MAP9: variants seen among roughly 807,000 people sequenced by gnomAD.
The protein encoded by MAP9 is microtubule associated protein 9.
In MAP9, 80 loss-of-function variants were observed where a neutral mutation model predicts 75.2. That is an observed-to-expected ratio of 1.06 (90% CI 0.89 to 1.28). The LOEUF is 1.28. MAP9 is among the 50% of genes most tolerant of loss of function. The pLI, the probability that MAP9 is intolerant of heterozygous loss-of-function variation, is 0.00. For missense variants in MAP9, 753 were observed against 719.9 expected, an observed-to-expected ratio of 1.05 and a Z score of -0.53; for synonymous variants, 235 against 237.3, an observed-to-expected ratio of 0.99 and a Z score of 0.09.
At position 155,360,301 on chromosome 4, in the gene MAP9, T is replaced by C. The variant is rs1732011416; in HGVS notation, c.917A>G (p.Gln306Arg). 6.2e-7 allele frequency: 1 copy of C among 1,613,182 alleles called. No individual in the cohort carries two copies. ...TTCTTCAAGGTCATCAGCAGTCACT[T>C]GACTTTCCTTGGATTTCTCAACTGC... ...TTAVEKSKES[Q>R]VTADDLEEEK... Residue 306 changes from glutamine (Q) to arginine (R), a missense_variant, in exon 7 of 14, where the codon CAA (glutamine) becomes CGA (arginine). Gln to Arg is a conservative substitution (Grantham distance 43). Transcript: ENST00000311277.
In MAP9 at chr4:155,344,918, C is replaced by A. The variant is rs1247868339; in HGVS notation, c.*2865G>T. On this transcript the variant is annotated 3_prime_UTR_variant, in exon 14 of 14. Transcript: ENST00000311277. ...TGTTTTCTTTACTTTGAGATCTCTG[C>A]ATTCTTTAAGTGATCAACGCAATTT... 6.6e-6 allele frequency: 1 copy of A among 151,842 alleles called. No homozygotes were observed. Among genetic ancestry groups the A allele is most frequent in the African/African-American group, 2.4e-5 (1 of 41,410 alleles). The allele number at this position is 151,842 out of a possible 1,614,324, so 9.4% of individuals were successfully genotyped here. A position where few individuals can be genotyped will look rare whatever the true frequency, so the allele number is the denominator to read the frequency against.
At chr4:155,353,865 T>C (rs567196697) in intron 10 of MAP9, among the ~76,000 whole-genome samples, 1 of 152,344 alleles carries the variant, frequency 6.6e-6, no homozygotes, top group South Asian at 2.1e-4. Flanking sequence ...TGAAAGTATG[T>C]GCTCGACTGA....
intron 3 of MAP9, among the ~76,000 whole-genome samples, chr4:155,374,505 C>A (rs1186911114): frequency 6.6e-6 from 1 of 151,884 alleles, no homozygotes; most frequent in Non-Finnish European, 1.5e-5. Context: ...CTTATCACAG[C>A]CAAAAAAAAT....
chr4:155,352,453 C>A (rs1435653252), intron 13 of MAP9, 143 bp downstream of exon 13: 15 of 741,498 alleles, frequency 2.0e-5, no homozygotes, highest in Non-Finnish European at 2.6e-5. Context: ...ATGCTATATG[C>A]AGGAGGAGAG....
At chr4:155,368,497 C>A in intron 5 of MAP9, 89 bp downstream of exon 5, 2 of 1,108,708 alleles carry the variant, frequency 1.8e-6, no homozygotes, top group Non-Finnish European at 2.7e-6. Context: ...CACACGCACA[C>A]AAATTCATTC....
chr4:155,361,945 C>T (rs1732100226), intron 6 of MAP9, 103 bp downstream of exon 6: 2 of 720,716 alleles, frequency 2.8e-6, no homozygotes, highest in Non-Finnish European at 4.5e-6. Flanking sequence ...CACATAAAAA[C>T]ATATATTTCT....
rs766173625 is a variant in MAP9 at position 155,373,376 on chromosome 4, C to T, written c.241G>A (p.Asp81Asn). The T allele has an allele frequency of 6.2e-7, 1 of 1,609,054 alleles. No individual in the cohort carries two copies. Among genetic ancestry groups the T allele is most frequent in the Admixed American group, 1.7e-5 (1 of 59,752 alleles). ...KKMNDFHISD[D>N]EEKNPSKLLF... ...AGTTTTGAAGGATTCTTTTCTTCAT[C>T]ATCTGATATATGAAAGTCATTCATT... Residue 81 changes from aspartate (D) to asparagine (N), a missense_variant, in exon 4 of 14, where the codon GAT becomes AAT. By Grantham distance (23) the Asp-to-Asn change is conservative. Coordinates refer to ENST00000311277, the MANE Select transcript of MAP9 (RefSeq NM_001039580.2).
At chr4:155,352,465 T>A in intron 13 of MAP9, 131 bp downstream of exon 13, 1 of 887,978 alleles carries the variant, frequency 1.1e-6, no homozygotes. Context: ...GGAGGAGAGC[T>A]TGAATTCAAC....
intron 7 of MAP9, among the ~76,000 whole-genome samples, chr4:155,359,057 C>CA (rs1424135101): frequency 1.3e-5 from 2 of 152,064 alleles, no homozygotes; most frequent in South Asian, 4.1e-4. Context: ...CTCAATCCAG[C>CA]AACCCCACTG....
rs764649072 is a variant in MAP9 at position 155,357,547 on chromosome 4, T to C, written c.1051-28A>G. ...ATTAAACAGAAAATGCCAAAGATGATTTATTCATGACAACTATCCTTTTTA... is the reference window on the plus strand; with the variant it reads ...ATTAAACAGAAAATGCCAAAGATGACTTATTCATGACAACTATCCTTTTTA... On this transcript the variant is annotated intron_variant, in intron 7 of 13. Transcript: ENST00000311277. The C allele has an allele frequency of 3.8e-6, 5 of 1,327,868 alleles. No homozygotes were observed. The South Asian group carries it at 6.0e-5, about 16-fold the overall frequency. The allele number at this position is 1,327,868 out of a possible 1,614,324, so 82.3% of individuals were successfully genotyped here.
chr4:155,352,676 C>A lies in MAP9; in HGVS notation c.1741G>T (p.Glu581Ter). ...FKQKEKEKIN[E>*]KRKEELKRAE... ...CTTTTCAGTTCTTCCTTTCTTTTCT[C>A]ATTTATTTTTTCTTTTTCCTTTTGC... The change falls in exon 13 of 14, where the codon GAG becomes TAG. Residue 581 changes from glutamate to a stop codon, truncating the protein, a stop_gained. Coordinates refer to ENST00000311277, the MANE Select transcript of MAP9 (RefSeq NM_001039580.2). LOFTEE classifies it high-confidence loss of function. 1.3e-6 allele frequency: 2 copies of A among 1,545,730 alleles called. No homozygotes were observed. Among genetic ancestry groups the A allele is most frequent in the East Asian group, 2.3e-5 (1 of 43,928 alleles).
intron 10 of MAP9, chr4:155,354,467 T>G (rs1578836938): frequency 2.8e-5 from 3 of 106,512 alleles, no homozygotes; most frequent in South Asian, 2.8e-4. Context: ...TATCTTGTCG[T>G]GCCTTTTTTT....
At position 155,343,066 on chromosome 4, in the gene MAP9, A is replaced by G. The variant is rs1731168739; in HGVS notation, c.*4717T>C. 1 of 152,012 alleles carries G rather than the reference A, an allele frequency of 6.6e-6. No individual in the cohort carries two copies. Among genetic ancestry groups the G allele is most frequent in the Non-Finnish European group, 1.5e-5 (1 of 67,910 alleles). The allele number at this position is 152,012 out of a possible 1,614,324, so 9.4% of individuals were successfully genotyped here. The stretch of plus-strand genomic sequence containing the variant: ...TAGAAAATTATATTAGCATGGAAAT[A>G]TGTTCATGATATATCACTGAGTGAA... On this transcript the variant is annotated 3_prime_UTR_variant, in exon 14 of 14. Coordinates refer to ENST00000311277, the MANE Select transcript of MAP9 (RefSeq NM_001039580.2).
At chr4:155,364,903 T>C (rs1732256342) in intron 5 of MAP9, among the ~76,000 whole-genome samples, 1 of 151,136 alleles carries the variant, frequency 6.6e-6, no homozygotes, top group Non-Finnish European at 1.5e-5. Context: ...TCAATAATAA[T>C]AAAAAACTAA....
At chr4:155,369,356 CAACAACA>C (rs1170170485) in intron 4 of MAP9, among the ~76,000 whole-genome samples, 1 of 134,416 alleles carries the variant, frequency 7.4e-6, no homozygotes, top group Admixed American at 7.6e-5. Context: ...CAAACAACAA[CAACAACA>C]AAAAAAAAAC....
At position 155,347,845 on chromosome 4, in the gene MAP9, CAAGA is replaced by C; in HGVS notation, c.1878_1881del (p.Phe626LeufsTer49). ...CTCCACGGAGGAAGTGCCTCACTTT[CAAGA>C]AAGGAATGACGTTTCTTCTGTTTTC... On this transcript the variant is annotated frameshift_variant, in exon 14 of 14. Coordinates refer to ENST00000311277, the MANE Select transcript of MAP9 (RefSeq NM_001039580.2). LOFTEE classifies it high-confidence loss of function. The C allele has an allele frequency of 2.5e-6, 4 of 1,606,042 alleles. No homozygotes were observed. Among genetic ancestry groups the C allele is most frequent in the Non-Finnish European group, 2.6e-6 (3 of 1,174,410 alleles).
chr4:155,343,073 T>TG lies in MAP9; in HGVS notation c.*4709dup, dbSNP rs2111159407. On this transcript the variant is annotated 3_prime_UTR_variant, in exon 14 of 14. Transcript: ENST00000311277. ...TTATATTAGCATGGAAATATGTTCA[T>TG]GATATATCACTGAGTGAAAAAAATC... 6.6e-6 allele frequency: 1 copy of TG among 152,072 alleles called. No homozygotes were observed. The highest frequency in any genetic ancestry group is 2.4e-5 in the African/African-American group (1 of 41,526). The allele number at this position is 152,072 out of a possible 1,614,324, so 9.4% of individuals were successfully genotyped here. A position where few individuals can be genotyped will look rare whatever the true frequency, so the allele number is the denominator to read the frequency against.
chr4:155,357,565 C>T, intron 7 of MAP9, 46 bp from the exon 8 acceptor site: 1 of 1,172,480 alleles, frequency 8.5e-7, no homozygotes, highest in Non-Finnish European at 1.3e-6. Context: ...TGACAACTAT[C>T]CTTTTTAGGC....
Position 155,346,388 on chromosome 4 carries a change from A to AAGTT in MAP9, c.*1391_*1394dup, listed in dbSNP as rs1280667389. On this transcript the variant is annotated 3_prime_UTR_variant, in exon 14 of 14. Transcript: ENST00000311277. ...AACAATACATGATTTTAGGCTCTAA[A>AAGTT]AGTTAAAACGTGTTTGTAACGTTGA... 2 of 152,204 alleles carry AAGTT rather than the reference A, an allele frequency of 1.3e-5. No individual in the cohort carries two copies. The highest frequency in any genetic ancestry group is 3.9e-4 in the East Asian group (2 of 5,194). 9.4% of individuals were successfully genotyped at this position (152,204 alleles called of 1,614,324 possible).
Sources: gnomAD v4.1 joint callset for allele counts (sites outside exome capture counted in the v4.1 genomes callset) on GRCh38, gnomAD v4.1.1 for gene constraint, MANE v1.5 for transcripts, NCBI Gene and HGNC (gene_info 2026-07-23, HGNC 2026-07-21) for gene names.